The following COL13A1 variants were observed in gnomAD, a reference collection of about 807,000 sequenced individuals.
COL13A1 encodes the protein collagen type XIII alpha 1 chain, also known as collagen alpha-1(XIII) chain.
In COL13A1, 89 loss-of-function variants were observed where a neutral mutation model predicts 130.9. The observed-to-expected ratio is 0.68, with a 90% CI of 0.57 to 0.81. The LOEUF (loss-of-function observed/expected upper bound fraction) is 0.81. COL13A1 is among the 30% of genes least tolerant of loss of function. The probability of loss-of-function intolerance (pLI) is 0.00; values close to 1 mark genes in which losing one functional copy is unlikely to be tolerated. For missense variants in COL13A1, 879 were observed against 934.6 expected (o/e 0.94, Z 0.78); for synonymous variants, 402 against 341.6 (o/e 1.18, Z -1.95).
chr10:69,848,994 AC>A (rs1317933825), intron 2 of COL13A1, among the ~76,000 whole-genome samples: 2 of 150,768 alleles, frequency 1.3e-5, no homozygotes, highest in South Asian at 2.1e-4. Context: ...GTGCCTTGAC[AC>A]CCCCCTGCAC....
At chr10:69,894,494 G>A (rs2061458855) in intron 10 of COL13A1, 58 bp from the exon 11 acceptor site, 6 of 1,603,886 alleles carry the variant, frequency 3.7e-6, no homozygotes, top group Non-Finnish European at 4.3e-6. Context: ...CCAGGCAGGT[G>A]TCCCTGATTG....
rs536471193 is a variant in COL13A1 at position 69,841,781 on chromosome 10, G to A, written c.364+19343G>A. Among the ~76,000 whole-genome samples, 191 of 152,322 alleles carry A rather than the reference G, an allele frequency of 1.3e-3. 2 individuals are homozygous for A. Among genetic ancestry groups the A allele is most frequent in the Non-Finnish European group, 2.2e-3 (152 of 68,028 alleles). On this transcript the variant is annotated intron_variant, in intron 2 of 40. Coordinates refer to ENST00000645393, the MANE Select transcript of COL13A1 (RefSeq NM_001368882.1). ...GTAGGAATTGACCAGGTAAAGGGCA[G>A]GGAAAGTGTTCCAGGCAAGGGAACA...
chr10:69,840,197 C>A (rs1314213896), intron 2 of COL13A1, among the ~76,000 whole-genome samples: 2 of 152,158 alleles, frequency 1.3e-5, no homozygotes, highest in Non-Finnish European at 2.9e-5. Context: ...CTGGGCTGGG[C>A]TGTGAAGCTG....
At chr10:69,833,502 G>A (rs1342145986) in intron 2 of COL13A1, among the ~76,000 whole-genome samples, 7 of 152,180 alleles carry the variant, frequency 4.6e-5, no homozygotes, top group African/African-American at 1.4e-4. Flanking sequence ...AAGGTGATCA[G>A]GCAAAGTTCC....
At chr10:69,878,118 G>A (rs2059787000) in intron 6 of COL13A1, 53 bp downstream of exon 6, 5 of 702,188 alleles carry the variant, frequency 7.1e-6, no homozygotes, top group Admixed American at 6.0e-5. Context: ...CCTCCAGGTG[G>A]ACTCTTGATG....
intron 32 of COL13A1, among the ~76,000 whole-genome samples, chr10:69,936,520 G>A (rs568527344): frequency 1.3e-5 from 2 of 152,292 alleles, no homozygotes; most frequent in East Asian, 3.9e-4. Flanking sequence ...GGTCAACCAT[G>A]AGGACCACAG....
At chr10:69,925,626 T>C (rs1177175791) in intron 25 of COL13A1, among the ~76,000 whole-genome samples, 178 bp from the exon 26 acceptor site, 1 of 152,216 alleles carries the variant, frequency 6.6e-6, no homozygotes, top group Non-Finnish European at 1.5e-5. Flanking sequence ...CTCGATTTGT[T>C]CTGCAATCCC....
intron 1 of COL13A1, among the ~76,000 whole-genome samples, chr10:69,807,533 T>C (rs1841908793): frequency 6.6e-6 from 1 of 152,106 alleles, no homozygotes; most frequent in African/African-American, 2.4e-5. Context: ...AGGGGACAGA[T>C]ATAGGGGAGG....
At position 69,929,022 on chromosome 10, in the gene COL13A1, G is replaced by A. The variant is rs77330672; in HGVS notation, c.1485+23G>A. 9.3e-3 allele frequency: 14,930 copies of A among 1,604,448 alleles called. 109 individuals are homozygous for A. The highest frequency in any genetic ancestry group is 0.01 in the Non-Finnish European group (11,839 of 1,173,146). Reference sequence around the variant, plus strand: ...AAGGTAAATCTTATCTTGACAAAGGGGGTGAAGACTTTGCAAGGGCATCGA... The same window carrying A: ...AAGGTAAATCTTATCTTGACAAAGGAGGTGAAGACTTTGCAAGGGCATCGA... On this transcript the variant is annotated intron_variant, in intron 28 of 40. Transcript: ENST00000645393.
At chr10:69,880,360 G>A in intron 6 of COL13A1, 143 bp from the exon 7 acceptor site, 1 of 706,186 alleles carries the variant, frequency 1.4e-6, no homozygotes, top group Non-Finnish European at 2.6e-6. Flanking sequence ...CACGTCCCCT[G>A]GCATCCCTCT....
intron 7 of COL13A1, among the ~76,000 whole-genome samples, chr10:69,883,060 G>C (rs2060295329): frequency 6.6e-6 from 1 of 152,226 alleles, no homozygotes; most frequent in South Asian, 2.1e-4. Context: ...CTGCTAATAA[G>C]AACCAGCCTT....
chr10:69,871,436 G>A (rs955919248), intron 3 of COL13A1, among the ~76,000 whole-genome samples: 2 of 152,168 alleles, frequency 1.3e-5, no homozygotes, highest in African/African-American at 4.8e-5. Flanking sequence ...CGGCGGGATG[G>A]CAACTAGTCC....
chr10:69,907,449 T>C (rs1589436488), intron 17 of COL13A1, among the ~76,000 whole-genome samples: 1 of 152,144 alleles, frequency 6.6e-6, no homozygotes, highest in Non-Finnish European at 1.5e-5. Flanking sequence ...TGTCATCCCA[T>C]GGTGGACAGT....
rs946067388 is a variant in COL13A1 at position 69,894,658 on chromosome 10, T to TCTCC, written c.631-16_631-13dup. On this transcript the variant is annotated splice_polypyrimidine_tract_variant and intron_variant, in intron 11 of 40. Transcript: ENST00000645393. Reference sequence around the variant, plus strand: ...TTAGCTTTGGTTTCTAACTCTCTCATCTCCGTCTCTTTGTAGGGACCCCAG... The same window carrying TCTCC: ...TTAGCTTTGGTTTCTAACTCTCTCATCTCCCTCCGTCTCTTTGTAGGGACCCCAG... 4 of 1,613,842 alleles carry TCTCC rather than the reference T, an allele frequency of 2.5e-6. No individual in the cohort carries two copies. The Admixed American group carries it at 6.7e-5, about 27-fold the overall frequency.
intron 17 of COL13A1, among the ~76,000 whole-genome samples, chr10:69,914,494 T>C (rs1277792870): frequency 6.6e-6 from 1 of 152,088 alleles, no homozygotes; most frequent in Non-Finnish European, 1.5e-5. Flanking sequence ...GGCTTATCTG[T>C]GGTCACCTGC....
intron 2 of COL13A1, among the ~76,000 whole-genome samples, chr10:69,822,749 C>T (rs536598002): frequency 1.1e-4 from 17 of 152,324 alleles, no homozygotes; most frequent in East Asian, 1.9e-4. Context: ...TGCTATGCAG[C>T]GTCAAAGGGA....
chr10:69,889,115 C>A (rs2060901204), intron 9 of COL13A1, among the ~76,000 whole-genome samples: 1 of 152,254 alleles, frequency 6.6e-6, no homozygotes, highest in Non-Finnish European at 1.5e-5. Flanking sequence ...TCCCCCGAAG[C>A]TACCCTGGAC....
At chr10:69,851,694 G>A (rs981474757) in intron 2 of COL13A1, among the ~76,000 whole-genome samples, 1 of 152,060 alleles carries the variant, frequency 6.6e-6, no homozygotes, top group African/African-American at 2.4e-5. Context: ...TCACTCTGTT[G>A]TCCAGGCTGG....
chr10:69,839,204 T>C (rs1287135378), intron 2 of COL13A1, among the ~76,000 whole-genome samples: 1 of 152,206 alleles, frequency 6.6e-6, no homozygotes, highest in Non-Finnish European at 1.5e-5. Context: ...GTTCAACAAA[T>C]ACTTGTGAAG....
Sources: gnomAD v4.1 joint callset for allele counts (sites outside exome capture counted in the v4.1 genomes callset) on GRCh38, gnomAD v4.1.1 for gene constraint, MANE v1.5 for transcripts, NCBI Gene and HGNC (gene_info 2026-07-23, HGNC 2026-07-21) for gene names.